The following GPC5 variants were observed in gnomAD, a reference collection of about 807,000 sequenced individuals.
GPC5 encodes the protein glypican-5.
A neutral mutation model predicts 53.9 loss-of-function variants in GPC5; 47 were observed. The observed-to-expected ratio is 0.87, with a 90% confidence interval of 0.69 to 1.11. GPC5 has a LOEUF of 1.11. Among genes scored for constraint, GPC5 ranks in the 50% most tolerant of loss-of-function variants. The pLI, the probability that GPC5 is intolerant of heterozygous loss-of-function variation, is 0.00. For synonymous variants in GPC5, 286 were observed against 263.3 expected (o/e 1.09, Z -0.84); for missense variants, 748 against 713.1 (o/e 1.05, Z -0.56).
intron 3 of GPC5, among the ~76,000 whole-genome samples, chr13:91,696,470 A>G (rs1594444303): frequency 6.6e-6 from 1 of 152,182 alleles, no homozygotes. Context: ...ATTTCTACCA[A>G]TTCAAAGTGA....
At chr13:91,850,628 T>C (rs1192345302) in intron 5 of GPC5, among the ~76,000 whole-genome samples, 3 of 152,216 alleles carry the variant, frequency 2.0e-5, no homozygotes, top group Admixed American at 1.3e-4. Flanking sequence ...TATTCTCATC[T>C]ATATTTTATA....
At chr13:92,050,608 TA>T (rs1376096277) in intron 6 of GPC5, among the ~76,000 whole-genome samples, 1 of 152,206 alleles carries the variant, frequency 6.6e-6, no homozygotes. Context: ...GGAGCAAAGA[TA>T]AACTATTTTA....
At chr13:91,656,746 A>G (rs1426299668) in intron 2 of GPC5, among the ~76,000 whole-genome samples, 1 of 152,174 alleles carries the variant, frequency 6.6e-6, no homozygotes, top group East Asian at 1.9e-4. Flanking sequence ...TCTTTGAAGT[A>G]TTAATTTTTG....
chr13:91,439,189 A>G (rs1368317769), intron 1 of GPC5, among the ~76,000 whole-genome samples: 1 of 152,210 alleles, frequency 6.6e-6, no homozygotes, highest in Non-Finnish European at 1.5e-5. Context: ...AGAGATGGTT[A>G]TACCCAAGGG....
Position 91,572,010 on chromosome 13 carries a change from T to TAC in GPC5, c.326-121176_326-121175insCA, listed in dbSNP as rs1246029173. Among the ~76,000 whole-genome samples the TAC allele has an allele frequency of 4.2e-3, 603 of 142,166 alleles. 82 individuals carry two copies. The highest frequency in any genetic ancestry group is 0.014 in the African/African-American group (550 of 38,338). 93.3% of individuals were successfully genotyped at this position (142,166 alleles called of 152,430 possible). ...ATATGTGTATATGTGTATATATGCA[T>TAC]ATATGCATATACGTGTGTATATATG... On this transcript the variant is annotated intron_variant, in intron 2 of 7. Coordinates refer to ENST00000377067, the MANE Select transcript of GPC5 (RefSeq NM_004466.6).
intron 7 of GPC5, among the ~76,000 whole-genome samples, chr13:92,388,870 GATT>G (rs1874864189): frequency 6.6e-6 from 1 of 152,020 alleles, no homozygotes; most frequent in African/African-American, 2.4e-5. Context: ...TTATTTTTTT[GATT>G]TTTAAGAAAA....
chr13:92,003,925 T>G (rs186423630), intron 6 of GPC5, among the ~76,000 whole-genome samples: 13 of 152,244 alleles, frequency 8.5e-5, no homozygotes, highest in Non-Finnish European at 7.4e-5. Flanking sequence ...TCTTATAATC[T>G]CTCACTGCTG....
chr13:91,937,914 C>A (rs964592182), intron 6 of GPC5, among the ~76,000 whole-genome samples: 17 of 151,966 alleles, frequency 1.1e-4, no homozygotes, highest in African/African-American at 2.4e-5. Context: ...AACCTGACCC[C>A]CTTATATTGG....
chr13:91,829,310 C>T (rs2989988), intron 5 of GPC5, among the ~76,000 whole-genome samples: 149,601 of 152,146 alleles, frequency 0.98, 73,559 homozygotes, highest in East Asian at 1. Flanking sequence ...AAAAAAGACA[C>T]AATTCATATT....
In GPC5 at chr13:92,286,665, T is replaced by C. The variant is rs532848122; in HGVS notation, c.1561+141676T>C. Among the ~76,000 whole-genome samples, 877 of 144,766 alleles carry C rather than the reference T, an allele frequency of 6.1e-3. 9 individuals are homozygous for C. Among genetic ancestry groups the C allele is most frequent in the African/African-American group, 0.021 (822 of 38,798 alleles). 95.0% of individuals were successfully genotyped at this position (144,766 alleles called of 152,430 possible). A position where few individuals can be genotyped will look rare whatever the true frequency, so the allele number is the denominator to read the frequency against. On this transcript the variant is annotated intron_variant, in intron 7 of 7. Transcript: ENST00000377067. ...AAACCAAATACCGCATGTTCTCACTTATAGGTGGGAATTGAACAATGAGAA... is the reference window on the plus strand; with the variant it reads ...AAACCAAATACCGCATGTTCTCACTCATAGGTGGGAATTGAACAATGAGAA...
chr13:92,273,901 C>A (rs971939177), intron 7 of GPC5, among the ~76,000 whole-genome samples: 1 of 152,076 alleles, frequency 6.6e-6, no homozygotes, highest in Admixed American at 6.6e-5. Flanking sequence ...ATAACCAAAA[C>A]GATTCCTGTG....
At chr13:92,330,752 G>A (rs140294836) in intron 7 of GPC5, among the ~76,000 whole-genome samples, 1,555 of 152,158 alleles carry the variant, frequency 0.01, 9 homozygotes, top group Non-Finnish European at 0.015. Flanking sequence ...ATATTTTTTA[G>A]GAATAAGGTA....
chr13:91,587,837 G>A (rs1429485299), intron 2 of GPC5, among the ~76,000 whole-genome samples: 1 of 152,136 alleles, frequency 6.6e-6, no homozygotes, highest in Non-Finnish European at 1.5e-5. Context: ...TATGGTTGAA[G>A]ACTTAAGCTT....
chr13:92,316,343 A>T (rs953206043), intron 7 of GPC5, among the ~76,000 whole-genome samples: 1 of 152,188 alleles, frequency 6.6e-6, no homozygotes, highest in Admixed American at 6.5e-5. Flanking sequence ...GGAAGGTAAT[A>T]CTTAAGCATG....
intron 1 of GPC5, among the ~76,000 whole-genome samples, chr13:91,425,610 C>A (rs1335136472): frequency 2.0e-5 from 3 of 152,174 alleles, no homozygotes; most frequent in Non-Finnish European, 4.4e-5. Flanking sequence ...CTGAGGCCTC[C>A]CCAGCCATGT....
chr13:91,408,305 G>A (rs1877477496), intron 1 of GPC5, among the ~76,000 whole-genome samples: 2 of 152,258 alleles, frequency 1.3e-5, no homozygotes, highest in South Asian at 4.1e-4. Context: ...ATGAGATCAT[G>A]TGGTATTTGT....
intron 2 of GPC5, among the ~76,000 whole-genome samples, chr13:91,541,636 A>AG (rs760960720): frequency 6.6e-6 from 1 of 152,110 alleles, no homozygotes; most frequent in African/African-American, 2.4e-5. Context: ...CAAGTTACAA[A>AG]GGAAAAAAAA....
chr13:91,989,450 A>G (rs113353522), intron 6 of GPC5, among the ~76,000 whole-genome samples: 2,842 of 152,292 alleles, frequency 0.019, 88 homozygotes, highest in African/African-American at 0.065. Flanking sequence ...ATGTAAAATA[A>G]TCTCGTACTT....
rs1241663056 is a variant in GPC5 at position 92,811,550 on chromosome 13, T to G, written c.1562-54732T>G. Among the ~76,000 whole-genome samples, 3 of 151,992 alleles carry G rather than the reference T, an allele frequency of 2.0e-5. No homozygotes were observed. In the East Asian group the frequency reaches 5.8e-4, roughly 29 times the overall value. ...TATCAGATATTAGATTTACAGTATT[T>G]TCTTCCACTCCATAGGTTGCCTTTT... On this transcript the variant is annotated intron_variant, in intron 7 of 7. Transcript: ENST00000377067.
Sources: gnomAD v4.1 joint callset for allele counts (sites outside exome capture counted in the v4.1 genomes callset) on GRCh38, gnomAD v4.1.1 for gene constraint, MANE v1.5 for transcripts, NCBI Gene and HGNC (gene_info 2026-07-23, HGNC 2026-07-21) for gene names.